The following ARHGAP22 variants were observed in gnomAD, a reference collection of about 807,000 sequenced individuals.
The protein encoded by ARHGAP22 is Rho GTPase activating protein 22.
A neutral mutation model predicts 59.1 loss-of-function variants in ARHGAP22; 48 were observed. The ratio of observed to expected loss-of-function variants is 0.81; its 90% CI spans 0.64 to 1.03. ARHGAP22 has a LOEUF of 1.03. Among genes scored for constraint, ARHGAP22 ranks in the 50% least tolerant of loss-of-function variants. ARHGAP22 has a pLI of 0.00. For synonymous variants in ARHGAP22, 445 were observed against 416.4 expected (o/e 1.07, Z -0.84); for missense variants, 1,015 against 958.7 (o/e 1.06, Z -0.78).
chr10:48,477,424 C>G (rs1278095323), intron 4 of ARHGAP22, among the ~76,000 whole-genome samples: 2 of 152,176 alleles, frequency 1.3e-5, no homozygotes, highest in Admixed American at 6.5e-5. Flanking sequence ...TTGCTGGGCA[C>G]TTGGGTTAGT....
chr10:48,636,607 A>G (rs1172512669), intron 1 of ARHGAP22, among the ~76,000 whole-genome samples: 3 of 152,134 alleles, frequency 2.0e-5, no homozygotes, highest in Non-Finnish European at 4.4e-5. Context: ...GATCTCCTAG[A>G]GAGGAGGGGA....
rs2059298721 is a variant in ARHGAP22 at position 48,584,425 on chromosome 10, T to C, written c.35-1273A>G. On this transcript the variant is annotated intron_variant, in intron 1 of 9. Transcript: ENST00000249601. ...GCCAACTCAAAGGACACTTCCTCCA[T>C]GGAGGCTTCCTTCTGAATCTCCTCC... 2.0e-5 allele frequency among the ~76,000 whole-genome samples: 3 copies of C among 152,212 alleles called. 1 individual carries two copies. The South Asian group carries it at 6.2e-4, about 32-fold the overall frequency.
the ARHGAP22 span, chr10:48,430,317 T>C: frequency 0.96 from 146,711 of 152,250 alleles, 70,871 homozygotes; most frequent in East Asian, 1. Context: ...TTGTCTCAAA[T>C]TCCTGACCTC....
intron 1 of ARHGAP22, among the ~76,000 whole-genome samples, chr10:48,635,034 A>G (rs1328018397): frequency 2.0e-5 from 3 of 152,128 alleles, no homozygotes; most frequent in African/African-American, 4.8e-5. Flanking sequence ...ATGTTGTGAA[A>G]GCCCTGGGGC....
chr10:48,557,474 C>A (rs2135347636), intron 2 of ARHGAP22, among the ~76,000 whole-genome samples: 1 of 152,274 alleles, frequency 6.6e-6, no homozygotes, highest in African/African-American at 2.4e-5. Context: ...AATGTAGAGA[C>A]CCCAGAGGGG....
intron 3 of ARHGAP22, among the ~76,000 whole-genome samples, chr10:48,512,929 T>A (rs989220714): frequency 2.0e-5 from 3 of 152,262 alleles, no homozygotes. Flanking sequence ...TATACCTTGG[T>A]ATGAATTCAT....
At chr10:48,644,997 T>C (rs1589304311) in intron 1 of ARHGAP22, among the ~76,000 whole-genome samples, 1 of 152,028 alleles carries the variant, frequency 6.6e-6, no homozygotes, top group Admixed American at 6.6e-5. Flanking sequence ...GCTAGCTTGT[T>C]GAAAAGATTA....
chr10:48,654,576 G>A (rs1307394756), upstream of ARHGAP22, among the ~76,000 whole-genome samples: 1 of 152,186 alleles, frequency 6.6e-6, no homozygotes, highest in Non-Finnish European at 1.5e-5. Context: ...GTGGATGCCA[G>A]GCACTGCAAC....
chr10:48,634,306 ATCT>A (rs1230115286), intron 1 of ARHGAP22, among the ~76,000 whole-genome samples: 5 of 152,286 alleles, frequency 3.3e-5, no homozygotes, highest in Middle Eastern at 3.4e-3. Context: ...TAAACTTCAG[ATCT>A]TCTGCTTCCT....
chr10:48,606,435 T>A (rs1047219429), upstream of ARHGAP22, among the ~76,000 whole-genome samples: 1 of 152,158 alleles, frequency 6.6e-6, no homozygotes, highest in African/African-American at 2.4e-5. Flanking sequence ...TTACTCAGCA[T>A]CAAGTCACTT....
chr10:48,644,860 A>T (rs1272388781), intron 1 of ARHGAP22, among the ~76,000 whole-genome samples: 1 of 152,124 alleles, frequency 6.6e-6, no homozygotes, highest in Non-Finnish European at 1.5e-5. Context: ...TTAAGAAACT[A>T]GAAAAATTAG....
Position 48,489,801 on chromosome 10 carries a change from T to C in ARHGAP22, c.323-10037A>G, listed in dbSNP as rs569476637. On this transcript the variant is annotated intron_variant, in intron 3 of 9. Coordinates refer to ENST00000249601, the MANE Select transcript of ARHGAP22 (RefSeq NM_021226.4). ...CAGGCTGGAGTGCAGTGGTGCAATC[T>C]TGGCTCACTGCAAGCTCCGCCTCCT... is the stretch of plus-strand genomic sequence containing the variant. Among the ~76,000 whole-genome samples the C allele has an allele frequency of 3.3e-5, 5 of 150,474 alleles. No individual in the cohort carries two copies. The East Asian group carries it at 9.8e-4, about 29-fold the overall frequency.
At chr10:48,479,140 C>A (rs1345135428) in intron 4 of ARHGAP22, 2 of 155,668 alleles carry the variant, frequency 1.3e-5, no homozygotes, top group Non-Finnish European at 2.8e-5. Context: ...TCGGGGCCTT[C>A]GCACGTGTCC....
intron 3 of ARHGAP22, among the ~76,000 whole-genome samples, chr10:48,525,206 G>A (rs766000017): frequency 3.9e-5 from 6 of 152,202 alleles, no homozygotes; most frequent in Non-Finnish European, 8.8e-5. Flanking sequence ...GCCCAGGAAA[G>A]TCTATGGAAG....
At chr10:48,640,959 C>A (rs1256442524) in intron 1 of ARHGAP22, among the ~76,000 whole-genome samples, 1 of 151,956 alleles carries the variant, frequency 6.6e-6, no homozygotes, top group Non-Finnish European at 1.5e-5. Context: ...AAGCCCAAAA[C>A]AATAGTAGCA....
chr10:48,631,415 G>C (rs985263242), intron 1 of ARHGAP22, among the ~76,000 whole-genome samples: 55 of 152,162 alleles, frequency 3.6e-4, no homozygotes, highest in African/African-American at 1.2e-3. Context: ...GAATACACCA[G>C]TGAAACCATT....
intron 1 of ARHGAP22, among the ~76,000 whole-genome samples, chr10:48,601,412 C>T (rs2060374288): frequency 6.6e-6 from 1 of 152,214 alleles, no homozygotes; most frequent in Admixed American, 6.5e-5. Flanking sequence ...TACTTCCATT[C>T]CCCACCCCAC....
At chr10:48,494,505 G>A (rs1012449865) in intron 3 of ARHGAP22, among the ~76,000 whole-genome samples, 2 of 152,156 alleles carry the variant, frequency 1.3e-5, no homozygotes, top group African/African-American at 4.8e-5. Context: ...CTGTGCCGAT[G>A]CCACCTGTTC....
chr10:48,598,216 G>A (rs1366657057), intron 1 of ARHGAP22, among the ~76,000 whole-genome samples: 1 of 152,186 alleles, frequency 6.6e-6, no homozygotes, highest in Non-Finnish European at 1.5e-5. Flanking sequence ...AGTTATCTGG[G>A]AAGAAGGAGA....
Sources: gnomAD v4.1 joint callset for allele counts (sites outside exome capture counted in the v4.1 genomes callset) on GRCh38, gnomAD v4.1.1 for gene constraint, MANE v1.5 for transcripts, NCBI Gene and HGNC (gene_info 2026-07-23, HGNC 2026-07-21) for gene names.